Variants in LCOR observed in about 807,000 individuals in gnomAD.
LCOR encodes the protein ligand dependent nuclear receptor corepressor, also known as ligand-dependent corepressor.
Under a neutral mutation model 64.4 loss-of-function variants are expected in LCOR, and 14 were observed. The observed-to-expected ratio is 0.22, with a 90% CI of 0.14 to 0.34. The LOEUF is 0.34. Among genes scored for constraint, LCOR ranks in the 10% least tolerant of loss-of-function variants. LCOR has a pLI of 1.00. For missense variants in LCOR, 1,686 were observed against 1,765.3 expected, an observed-to-expected ratio of 0.96 and a Z score of 0.80; for synonymous variants, 643 against 642.5, an observed-to-expected ratio of 1.00 and a Z score of -0.01.
chr10:96,939,032 A>G (rs2134502385), intron 4 of LCOR, among the ~76,000 whole-genome samples: 1 of 152,382 alleles, frequency 6.6e-6, no homozygotes, highest in South Asian at 2.1e-4. Context: ...ATGAAAATTT[A>G]AGAGACTTCA....
intron 2 of LCOR, among the ~76,000 whole-genome samples, chr10:96,849,400 G>C (rs1845688968): frequency 6.6e-6 from 1 of 152,078 alleles, no homozygotes; most frequent in Non-Finnish European, 1.5e-5. Context: ...GTAGAGACAG[G>C]GTTTTTGCCA....
Position 96,975,197 on chromosome 10 carries a change from A to G in LCOR, c.333-5596A>G, listed in dbSNP as rs543703521. ...AAATAAAATAATAAAATAAATACTT[A>G]TGTGCTATTAAGAAAAATTCCAGAA... is the stretch of plus-strand genomic sequence containing the variant. On this transcript the variant is annotated intron_variant, in intron 7 of 7. Transcript: ENST00000421806. 1.3e-3 allele frequency among the ~76,000 whole-genome samples: 197 copies of G among 152,312 alleles called. 5 individuals carry two copies. The South Asian group carries it at 0.039, about 30-fold the overall frequency.
intron 2 of LCOR, among the ~76,000 whole-genome samples, chr10:96,894,157 T>G (rs558533682): frequency 6.6e-6 from 1 of 152,104 alleles, no homozygotes; most frequent in East Asian, 1.9e-4. Flanking sequence ...GGTGGCATGA[T>G]CTCAGCTCAC....
chr10:96,983,489 G>A lies in LCOR; in HGVS notation c.3029G>A (p.Cys1010Tyr), dbSNP rs777906553. The change falls in exon 8 of 8, where the codon TGC (cysteine) becomes TAC (tyrosine). Residue 1010 changes from cysteine (C) to tyrosine (Y), a missense_variant. By Grantham distance (194) the Cys-to-Tyr change is radical. Transcript: ENST00000421806. This position sits in a 1 kb window ranked among gnomAD's most constrained non-coding sequence, Gnocchi z 4.5. ...AAAGATGATGAGAGTGATGCCCCAT[G>A]CAGCTCTCTTGGGTTGTCGAGTAGT... ...QQKDDESDAP[C>Y]SSLGLSSSGS... 2.5e-6 allele frequency: 4 copies of A among 1,614,006 alleles called. No individual in the cohort carries two copies. In the South Asian group the frequency reaches 4.4e-5, roughly 18 times the overall value.
intron 2 of LCOR, among the ~76,000 whole-genome samples, chr10:96,867,221 G>A (rs1369022683): frequency 6.6e-6 from 1 of 152,072 alleles, no homozygotes; most frequent in Non-Finnish European, 1.5e-5. Flanking sequence ...TCGAACTCCC[G>A]ACCTCAGGTG....
At position 96,836,733 on chromosome 10, in the gene LCOR, A is replaced by G. The variant is rs561840919; in HGVS notation, c.-330+3254A>G. Among the ~76,000 whole-genome samples the G allele has an allele frequency of 3.0e-3, 457 of 152,314 alleles. 3 individuals carry two copies. The highest frequency in any genetic ancestry group is 0.011 in the African/African-American group (437 of 41,566). ...TTCTGATGGAAAAGGCATTCCATTC[A>G]TGAGAAATGGCATGAGCAAAAGTGG... On this transcript the variant is annotated intron_variant, in intron 2 of 7. Transcript: ENST00000421806.
chr10:96,860,446 A>G (rs1293152832), intron 2 of LCOR, among the ~76,000 whole-genome samples: 3 of 152,250 alleles, frequency 2.0e-5, no homozygotes, highest in African/African-American at 2.4e-5. Context: ...GCTGGCAACC[A>G]CCGGAAGCTA....
chr10:96,909,565 C>CT (rs1166729881), intron 4 of LCOR, among the ~76,000 whole-genome samples: 1 of 152,226 alleles, frequency 6.6e-6, no homozygotes, highest in African/African-American at 2.4e-5. Context: ...ACAGACCATG[C>CT]TGTATGCTTC....
intron 2 of LCOR, among the ~76,000 whole-genome samples, chr10:96,843,612 T>C (rs1181873945): frequency 6.6e-6 from 1 of 152,216 alleles, no homozygotes; most frequent in African/African-American, 2.4e-5. Context: ...AATAAATCTT[T>C]TAGTTTGGAA....
chr10:96,956,486 A>G (rs1463411213), intron 7 of LCOR: 1 of 983,596 alleles, frequency 1.0e-6, no homozygotes, highest in South Asian at 4.7e-5. Context: ...ATTCACTGAC[A>G]TAATTATTGG....
In LCOR at chr10:96,957,811, G is replaced by T. The variant is rs568052240; in HGVS notation, c.332+5615G>T. ...CATTCTTGACATAGCTTGGGTGTGGGTTCCTCTTGTTTTGGTTATTTTGTG... is the reference window on the plus strand; with the variant it reads ...CATTCTTGACATAGCTTGGGTGTGGTTTCCTCTTGTTTTGGTTATTTTGTG... On this transcript the variant is annotated intron_variant, in intron 7 of 7. Coordinates refer to ENST00000421806, the MANE Select transcript of LCOR (RefSeq NM_001346516.2). 1.1e-4 allele frequency: 108 copies of T among 985,638 alleles called. No homozygotes were observed. In the African/African-American group the frequency reaches 1.7e-3, roughly 15 times the overall value. 61.1% of individuals were successfully genotyped at this position (985,638 alleles called of 1,614,324 possible). A position where few individuals can be genotyped will look rare whatever the true frequency, so the allele number is the denominator to read the frequency against.
At chr10:96,885,691 T>A (rs1846331283) in intron 2 of LCOR, among the ~76,000 whole-genome samples, 1 of 151,340 alleles carries the variant, frequency 6.6e-6, no homozygotes, top group South Asian at 2.1e-4. Context: ...CCACCTCACC[T>A]GGCTAAATGT....
rs1162333666 is a variant in LCOR, at chr10:96,920,768, ACACACACACACACACACACACACG to A, written c.-184+13023_-184+13046del. Among the ~76,000 whole-genome samples, 16 of 121,752 alleles carry A rather than the reference ACACACACACACACACACACACACG, an allele frequency of 1.3e-4. No homozygotes were observed. The South Asian group carries it at 3.4e-3, about 26-fold the overall frequency. The allele number at this position is 121,752 out of a possible 152,430, so 79.9% of individuals were successfully genotyped here. On this transcript the variant is annotated intron_variant, in intron 4 of 7. Transcript: ENST00000421806. Reference sequence around the variant, plus strand: ...TATATGTATACACACACACACACACACACACACACACACACACACACACGCGCGGTGGGGGGGTGGTGGGCGGGA... The same window carrying A: ...TATATGTATACACACACACACACACACGCGGTGGGGGGGTGGTGGGCGGGA...
chr10:96,915,514 C>T (rs1332596260), intron 4 of LCOR: 13 of 464,430 alleles, frequency 2.8e-5, no homozygotes, highest in South Asian at 5.9e-5. Flanking sequence ...AGTGAGACTC[C>T]GTCTCCTAAA....
chr10:96,901,276 C>G (rs1308937071), intron 2 of LCOR, among the ~76,000 whole-genome samples: 1 of 152,198 alleles, frequency 6.6e-6, no homozygotes, highest in African/African-American at 2.4e-5. Flanking sequence ...ACTTAAGCTT[C>G]CCAAGTAACT....
intron 2 of LCOR, among the ~76,000 whole-genome samples, chr10:96,842,335 A>G (rs1362204427): frequency 6.6e-6 from 1 of 152,130 alleles, no homozygotes; most frequent in Non-Finnish European, 1.5e-5. Context: ...GTGGAGTTGC[A>G]GTGAGCCGAG....
At chr10:96,853,938 C>G (rs1187039753) in intron 2 of LCOR, among the ~76,000 whole-genome samples, 1 of 152,072 alleles carries the variant, frequency 6.6e-6, no homozygotes. Context: ...TAAGACTCCC[C>G]CATTATTACG....
chr10:96,986,654 T>C lies in LCOR; in HGVS notation c.*1520T>C, dbSNP rs1207958306. ...GGCTTCAACCTAGTGCCTGTGACCTTGCTCCATTATTATAGTGCAGCGTGT... is the reference window on the plus strand; with the variant it reads ...GGCTTCAACCTAGTGCCTGTGACCTCGCTCCATTATTATAGTGCAGCGTGT... On this transcript the variant is annotated 3_prime_UTR_variant, in exon 8 of 8. Transcript: ENST00000421806. 6.6e-6 allele frequency: 1 copy of C among 152,246 alleles called. No homozygotes were observed. Among genetic ancestry groups the C allele is most frequent in the Non-Finnish European group, 1.5e-5 (1 of 68,044 alleles). 9.4% of individuals were successfully genotyped at this position (152,246 alleles called of 1,614,324 possible). A position where few individuals can be genotyped will look rare whatever the true frequency, so the allele number is the denominator to read the frequency against.
chr10:96,875,154 G>T (rs1019658686), intron 2 of LCOR, among the ~76,000 whole-genome samples: 5 of 151,800 alleles, frequency 3.3e-5, no homozygotes, highest in Admixed American at 3.3e-4. Context: ...GGAGGCCGAG[G>T]CAGGCAGACC....
Sources: allele counts gnomAD v4.1 joint callset (sites outside exome capture counted in the v4.1 genomes callset), GRCh38; gene constraint gnomAD v4.1.1; non-coding constraint Gnocchi (gnomAD v3.1); transcripts MANE v1.5; gene names NCBI Gene and HGNC (gene_info 2026-07-23, HGNC 2026-07-21).